The following DCC variants were observed in gnomAD, a reference collection of about 807,000 sequenced individuals.
DCC encodes the protein DCC netrin 1 receptor, also known as netrin receptor DCC.
Under a neutral mutation model 172.5 loss-of-function variants are expected in DCC, and 58 were observed. That is an observed-to-expected ratio of 0.34 (90% CI 0.27 to 0.42). DCC has a LOEUF of 0.42. Among genes scored for constraint, DCC ranks in the 10% least tolerant of loss-of-function variants. DCC has a pLI of 1.00. For synonymous variants in DCC, 709 were observed against 644.5 expected, an observed-to-expected ratio of 1.10 and a Z score of -1.52; for missense variants, 1,740 against 1,791.0, an observed-to-expected ratio of 0.97 and a Z score of 0.51.
rs1555672676 is a variant in DCC at position 52,846,647 on chromosome 18, A to ACACT, written c.413-59394_413-59393insTCAC. ...CACACACACACACACACACACACACACACACTTGGGGATACTTGTCTTGGT... is the reference window on the plus strand; with the variant it reads ...CACACACACACACACACACACACACACACTCACACTTGGGGATACTTGTCTTGGT... On this transcript the variant is annotated intron_variant, in intron 2 of 28. Coordinates refer to ENST00000442544, the MANE Select transcript of DCC (RefSeq NM_005215.4). 9.9e-3 allele frequency among the ~76,000 whole-genome samples: 1,426 copies of ACACT among 144,166 alleles called. 23 individuals carry two copies. The highest frequency in any genetic ancestry group is 0.032 in the African/African-American group (1,250 of 39,214). 94.6% of individuals were successfully genotyped at this position (144,166 alleles called of 152,430 possible). A position where few individuals can be genotyped will look rare whatever the true frequency, so the allele number is the denominator to read the frequency against.
intron 1 of DCC, among the ~76,000 whole-genome samples, chr18:52,435,758 G>A (rs565960363): frequency 6.6e-6 from 1 of 152,212 alleles, no homozygotes; most frequent in South Asian, 2.1e-4. Flanking sequence ...CATCAGTCTC[G>A]CTGCCCCGTG....
rs113048730 is a variant in DCC at position 53,285,656 on chromosome 18, T to A, written c.1912-19922T>A. On this transcript the variant is annotated intron_variant, in intron 12 of 28. Coordinates refer to ENST00000442544, the MANE Select transcript of DCC (RefSeq NM_005215.4). ...CTGCTGGGGCACTGCCTAGTGGAGC[T>A]ATGAGAAGAGCACCACCATCCTCCA... Among the ~76,000 whole-genome samples, 5 of 152,298 alleles carry A rather than the reference T, an allele frequency of 3.3e-5. 1 individual carries two copies. The highest frequency in any genetic ancestry group is 1.2e-4 in the African/African-American group (5 of 41,578).
rs372638743 is a variant in DCC at position 53,251,553 on chromosome 18, T to G, written c.1911+35956T>G. Reference sequence around the variant, plus strand: ...AAACCTCAGCTCAAATGGAGTCTTCTTACATTTATCTAATTCTAATCTTTT... The same window carrying G: ...AAACCTCAGCTCAAATGGAGTCTTCGTACATTTATCTAATTCTAATCTTTT... On this transcript the variant is annotated intron_variant, in intron 12 of 28. Coordinates refer to ENST00000442544, the MANE Select transcript of DCC (RefSeq NM_005215.4). 4.6e-5 allele frequency among the ~76,000 whole-genome samples: 7 copies of G among 151,956 alleles called. No individual in the cohort carries two copies. In the East Asian group the frequency reaches 1.2e-3, roughly 25 times the overall value.
chr18:53,014,807 G>A (rs772514932), intron 5 of DCC, among the ~76,000 whole-genome samples: 1 of 152,020 alleles, frequency 6.6e-6, no homozygotes, highest in Non-Finnish European at 1.5e-5. Flanking sequence ...ATCTGAAGCT[G>A]GCAGGAGGAA....
intron 2 of DCC, among the ~76,000 whole-genome samples, chr18:52,762,347 G>A (rs1055597203): frequency 6.6e-6 from 1 of 152,004 alleles, no homozygotes; most frequent in Admixed American, 6.6e-5. Flanking sequence ...GGTGGTGCAT[G>A]CCTGTAGTCC....
intron 1 of DCC, among the ~76,000 whole-genome samples, chr18:52,590,592 G>T (rs139419782): frequency 3.0e-3 from 463 of 152,292 alleles, no homozygotes; most frequent in Non-Finnish European, 4.9e-3. Flanking sequence ...CGCTGAGAGT[G>T]CGAAGATGAG....
At chr18:53,022,868 A>G (rs117128022) in intron 5 of DCC, among the ~76,000 whole-genome samples, 3,089 of 152,194 alleles carry the variant, frequency 0.02, 42 homozygotes, top group Non-Finnish European at 0.032. Context: ...TAAGTTTTGT[A>G]TTATTGGATT....
chr18:52,863,613 C>T (rs1676778915), intron 2 of DCC, among the ~76,000 whole-genome samples: 1 of 151,608 alleles, frequency 6.6e-6, no homozygotes, highest in Non-Finnish European at 1.5e-5. Flanking sequence ...TTAGCTTAAA[C>T]TCTAAGTGCA....
chr18:53,277,711 C>T (rs932889942), intron 12 of DCC, among the ~76,000 whole-genome samples: 3 of 152,098 alleles, frequency 2.0e-5, no homozygotes, highest in East Asian at 1.9e-4. Context: ...ATAAAGCCCT[C>T]GCTGTACAGA....
chr18:52,704,076 C>T (rs749834838), intron 1 of DCC, among the ~76,000 whole-genome samples: 3 of 139,062 alleles, frequency 2.2e-5, no homozygotes, highest in Non-Finnish European at 4.4e-5. Flanking sequence ...GTTATGCTAA[C>T]TTTCTATGAT....
intron 1 of DCC, among the ~76,000 whole-genome samples, chr18:52,481,275 A>G (rs1453953992): frequency 6.7e-6 from 1 of 149,858 alleles, no homozygotes; most frequent in African/African-American, 2.4e-5. Flanking sequence ...AGCCTGGCGC[A>G]TGTGGCTGCA....
intron 7 of DCC, among the ~76,000 whole-genome samples, chr18:53,093,319 A>C (rs559062113): frequency 6.6e-6 from 1 of 152,328 alleles, no homozygotes; most frequent in African/African-American, 2.4e-5. Context: ...AAATGTGCTT[A>C]CATAGACTTA....
Position 52,541,895 on chromosome 18 carries a change from ATG to A in DCC, c.91+201021_91+201022del, listed in dbSNP as rs1251027551. ...TGTGTGTATATATATATATATATAT[ATG>A]TGTATATATATATGTACACAATCCT... On this transcript the variant is annotated intron_variant, in intron 1 of 28. Transcript: ENST00000442544. Among the ~76,000 whole-genome samples the A allele has an allele frequency of 2.6e-4, 32 of 122,614 alleles. No individual in the cohort carries two copies. In the East Asian group the frequency reaches 5.0e-3, roughly 19 times the overall value. The allele number at this position is 122,614 out of a possible 152,430, so 80.4% of individuals were successfully genotyped here.
intron 12 of DCC, among the ~76,000 whole-genome samples, chr18:53,275,251 T>C (rs778346817): frequency 2.0e-5 from 3 of 152,128 alleles, no homozygotes; most frequent in Non-Finnish European, 4.4e-5. Context: ...ACTGCTAGAT[T>C]GAGCTTAAGG....
At chr18:53,179,340 G>T (rs147830438) in intron 9 of DCC, among the ~76,000 whole-genome samples, 143 of 152,176 alleles carry the variant, frequency 9.4e-4, no homozygotes, top group Middle Eastern at 3.4e-3. Context: ...CTCTATAAAG[G>T]CCTAATCTAT....
intron 25 of DCC, among the ~76,000 whole-genome samples, chr18:53,482,419 T>G (rs1339897641): frequency 6.6e-6 from 1 of 152,062 alleles, no homozygotes; most frequent in African/African-American, 2.4e-5. Flanking sequence ...AAAGTAAAAT[T>G]TCTTTCTTCA....
chr18:53,404,205 T>C (rs1255330417), intron 19 of DCC, among the ~76,000 whole-genome samples: 2 of 152,102 alleles, frequency 1.3e-5, no homozygotes, highest in Admixed American at 6.5e-5. Context: ...CAGTAATAAG[T>C]CTGAGGAGAA....
intron 2 of DCC, among the ~76,000 whole-genome samples, chr18:52,762,521 G>T (rs1412648645): frequency 6.6e-6 from 1 of 151,158 alleles, no homozygotes; most frequent in Admixed American, 6.6e-5. Flanking sequence ...AAAAATATTT[G>T]ATAGGTCTCA....
intron 9 of DCC, among the ~76,000 whole-genome samples, chr18:53,187,412 G>A (rs1598887697): frequency 1.3e-5 from 2 of 152,162 alleles, no homozygotes; most frequent in African/African-American, 4.8e-5. Flanking sequence ...GTGAACCACC[G>A]TGCCTGGCTC....
Sources: allele counts gnomAD v4.1 joint callset (sites outside exome capture counted in the v4.1 genomes callset), GRCh38; gene constraint gnomAD v4.1.1; transcripts MANE v1.5; gene names NCBI Gene and HGNC (gene_info 2026-07-23, HGNC 2026-07-21).